The following TMTC1 variants were observed in gnomAD, a reference collection of about 807,000 sequenced individuals.
TMTC1 encodes the protein protein O-mannosyl-transferase TMTC1.
In TMTC1, 73 loss-of-function variants were observed where a neutral mutation model predicts 104.8. The ratio of observed to expected loss-of-function variants is 0.70; its 90% confidence interval spans 0.58 to 0.85. TMTC1 has a LOEUF of 0.85. TMTC1 is among the 40% of genes least tolerant of loss of function. TMTC1 has a pLI of 0.00. For missense variants in TMTC1, 1,035 were observed against 1,096.1 expected (o/e 0.94, Z 0.79); for synonymous variants, 434 against 428.7 (o/e 1.01, Z -0.15).
intron 5 of TMTC1, among the ~76,000 whole-genome samples, chr12:29,657,990 G>A (rs943512207): frequency 8.5e-5 from 13 of 152,172 alleles, no homozygotes; most frequent in African/African-American, 2.9e-4. Context: ...CTGCTTGGGA[G>A]GCTGAGGTAA....
Position 29,622,112 on chromosome 12 carries a change from C to G in TMTC1, c.1128+11035G>C, listed in dbSNP as rs150589592. Among the ~76,000 whole-genome samples the G allele has an allele frequency of 1.4e-4, 22 of 152,278 alleles. 1 individual carries two copies. In the East Asian group the frequency reaches 4.3e-3, roughly 29 times the overall value. On this transcript the variant is annotated intron_variant, in intron 6 of 17. Coordinates refer to ENST00000539277, the MANE Select transcript of TMTC1 (RefSeq NM_001193451.2). ...GAGGGGAGAGACAGGACTTCCACTG[C>G]CCAATGTTCATTCTCAAAAGACATC...
intron 8 of TMTC1, among the ~76,000 whole-genome samples, chr12:29,580,275 C>T (rs1440920668): frequency 1.7e-4 from 26 of 152,068 alleles, no homozygotes; most frequent in South Asian, 2.1e-4. Flanking sequence ...GCCATGATCA[C>T]GCCACTACAC....
chr12:29,716,879 G>A (rs929115220), intron 5 of TMTC1, among the ~76,000 whole-genome samples: 8 of 152,056 alleles, frequency 5.3e-5, no homozygotes, highest in Non-Finnish European at 5.9e-5. Flanking sequence ...GCCGGGTGTG[G>A]TGGCGGGCAC....
At chr12:29,577,278 A>T (rs761061796) in intron 8 of TMTC1, among the ~76,000 whole-genome samples, 38 of 152,054 alleles carry the variant, frequency 2.5e-4, no homozygotes, top group Admixed American at 5.2e-4. Context: ...GTGTTCACTC[A>T]CTTAAACTTT....
intron 5 of TMTC1, among the ~76,000 whole-genome samples, chr12:29,651,740 AT>A (rs1939528262): frequency 6.6e-6 from 1 of 152,332 alleles, no homozygotes. Flanking sequence ...TAGGTGAGGC[AT>A]AGGTGTGTGA....
intron 5 of TMTC1, among the ~76,000 whole-genome samples, chr12:29,718,747 C>T (rs1390878625): frequency 6.6e-6 from 1 of 152,048 alleles, no homozygotes; most frequent in East Asian, 1.9e-4. Flanking sequence ...TCCTGGCTAA[C>T]ACGGTGAAAC....
chr12:29,528,844 T>G (rs779161651), intron 11 of TMTC1, among the ~76,000 whole-genome samples: 3 of 152,042 alleles, frequency 2.0e-5, no homozygotes, highest in Admixed American at 6.5e-5. Flanking sequence ...TTTAAAAATA[T>G]GTGCTAGTTT....
chr12:29,644,015 T>A (rs1287837819), intron 5 of TMTC1, among the ~76,000 whole-genome samples: 3 of 117,380 alleles, frequency 2.6e-5, no homozygotes, highest in African/African-American at 1.0e-4. Flanking sequence ...TATAAATATA[T>A]AATTTATATA....
chr12:29,618,556 T>A (rs369992710), intron 6 of TMTC1, among the ~76,000 whole-genome samples: 1 of 122,620 alleles, frequency 8.2e-6, no homozygotes, highest in African/African-American at 2.9e-5. Flanking sequence ...GAATTTTAGA[T>A]TTTTTTTTTT....
chr12:29,518,499 T>C lies in TMTC1; in HGVS notation c.1997A>G (p.Asn666Ser). 6.2e-7 allele frequency: 1 copy of C among 1,614,076 alleles called. No homozygotes were observed. Among genetic ancestry groups the C allele is most frequent in the South Asian group, 1.1e-5 (1 of 91,070 alleles). ...CTTGTACCATTCTTCAGCCATGCTG[T>C]TCTCTCCCAGTGACCTGTAGAGTCT... ...LGRLYRSLGE[N>S]SMAEEWYKRA... is the part of the protein sequence containing the mutation. Residue 666 changes from asparagine to serine, a missense_variant, in exon 13 of 18, where the codon AAC (asparagine) becomes AGC (serine). Physicochemically the swap from Asn to Ser is conservative, Grantham distance 46. Coordinates refer to ENST00000539277, the MANE Select transcript of TMTC1 (RefSeq NM_001193451.2).
rs141654593 is a variant in TMTC1 at position 29,550,263 on chromosome 12, GTC to G, written c.1676+6592_1676+6593del. 8.9e-3 allele frequency among the ~76,000 whole-genome samples: 1,348 copies of G among 152,266 alleles called. 24 individuals carry two copies. The highest frequency in any genetic ancestry group is 0.031 in the African/African-American group (1,280 of 41,548). The stretch of plus-strand genomic sequence containing the variant: ...TAAATGTTGGTAAAAGTGTGAAAGA[GTC>G]TAAGTTGATGTCACGTGCATTACTG... On this transcript the variant is annotated intron_variant, in intron 10 of 17. Transcript: ENST00000539277.
At chr12:29,778,295 G>A (rs751673295) in intron 1 of TMTC1, among the ~76,000 whole-genome samples, 7 of 152,094 alleles carry the variant, frequency 4.6e-5, no homozygotes, top group Non-Finnish European at 1.0e-4. Flanking sequence ...GTTCTTGCTT[G>A]TTGAAGCAGA....
intron 7 of TMTC1, among the ~76,000 whole-genome samples, chr12:29,596,244 T>G (rs1946401234): frequency 6.6e-6 from 1 of 152,172 alleles, no homozygotes; most frequent in South Asian, 2.1e-4. Context: ...TGACCTCAAG[T>G]GGTCCACCCC....
At chr12:29,650,025 A>G (rs888841193) in intron 5 of TMTC1, among the ~76,000 whole-genome samples, 4 of 152,066 alleles carry the variant, frequency 2.6e-5, no homozygotes, top group African/African-American at 7.2e-5. Flanking sequence ...AAAACTATTC[A>G]GTACCTCAAT....
At chr12:29,583,608 T>A (rs1754791037) in intron 7 of TMTC1, 34 bp from the exon 8 acceptor site, 1 of 1,595,018 alleles carries the variant, frequency 6.3e-7, no homozygotes, top group Admixed American at 1.7e-5. Flanking sequence ...GGGATTACTT[T>A]GGGGGTGCAA....
intron 9 of TMTC1, among the ~76,000 whole-genome samples, chr12:29,562,274 G>A (rs1945396465): frequency 6.6e-6 from 1 of 152,184 alleles, no homozygotes. Context: ...CTGCAATTCA[G>A]GGAAATGTGA....
At chr12:29,674,475 T>C (rs1591907254) in intron 5 of TMTC1, among the ~76,000 whole-genome samples, 2 of 152,088 alleles carry the variant, frequency 1.3e-5, no homozygotes, top group African/African-American at 4.8e-5. Context: ...GAGGAAAAGA[T>C]TTAATCTCTC....
At chr12:29,666,274 C>CAG in intron 5 of TMTC1, 2 of 391,734 alleles carry the variant, frequency 5.1e-6, no homozygotes, top group Admixed American at 6.7e-5. Flanking sequence ...GTCACCCAGG[C>CAG]TGGAGTGCAG....
intron 1 of TMTC1, among the ~76,000 whole-genome samples, chr12:29,780,582 C>G (rs938201503): frequency 2.0e-5 from 3 of 148,852 alleles, no homozygotes; most frequent in East Asian, 4.0e-4. Context: ...TGTTCCGTAT[C>G]TTGACTGTGG....
Sources: gnomAD v4.1 joint callset for allele counts (sites outside exome capture counted in the v4.1 genomes callset) on GRCh38, gnomAD v4.1.1 for gene constraint, MANE v1.5 for transcripts, NCBI Gene and HGNC (gene_info 2026-07-23, HGNC 2026-07-21) for gene names.